The following NKAIN2 variants were observed in gnomAD, a reference collection of about 807,000 sequenced individuals.
NKAIN2 encodes the protein sodium/potassium-transporting ATPase subunit beta-1-interacting protein 2.
Under a neutral mutation model 32.6 loss-of-function variants are expected in NKAIN2, and 14 were observed. The observed-to-expected ratio is 0.43, with a 90% confidence interval of 0.28 to 0.67. The LOEUF is 0.67. Among genes scored for constraint, NKAIN2 ranks in the 30% least tolerant of loss-of-function variants. The pLI, the probability that NKAIN2 is intolerant of heterozygous loss-of-function variation, is 0.17. For missense variants in NKAIN2, 198 were observed against 258.3 expected (o/e 0.77, Z 1.60); for synonymous variants, 80 against 87.2 (o/e 0.92, Z 0.46).
At chr6:124,454,122 T>C (rs1583277540) in intron 3 of NKAIN2, among the ~76,000 whole-genome samples, 2 of 146,384 alleles carry the variant, frequency 1.4e-5, no homozygotes, top group African/African-American at 5.0e-5. Flanking sequence ...GGGGGGTTGC[T>C]GGTTTATTTG....
chr6:124,397,970 G>A (rs1417472141), intron 3 of NKAIN2, among the ~76,000 whole-genome samples: 3 of 151,808 alleles, frequency 2.0e-5, no homozygotes, highest in South Asian at 2.1e-4. Context: ...GAAGATACCC[G>A]GGGCCGGGCG....
At chr6:123,870,531 G>C (rs914516932) in intron 1 of NKAIN2, among the ~76,000 whole-genome samples, 1 of 152,158 alleles carries the variant, frequency 6.6e-6, no homozygotes, top group African/African-American at 2.4e-5. Context: ...GTTTTCTGCT[G>C]TGTAATATGT....
At chr6:124,031,779 T>G (rs2114787919) in intron 1 of NKAIN2, among the ~76,000 whole-genome samples, 1 of 152,268 alleles carries the variant, frequency 6.6e-6, no homozygotes. Flanking sequence ...GAGAGACAGC[T>G]TTTGATAATT....
At chr6:124,662,729 G>A (rs1382204138) in intron 4 of NKAIN2, among the ~76,000 whole-genome samples, 5 of 152,202 alleles carry the variant, frequency 3.3e-5, no homozygotes, top group Non-Finnish European at 7.3e-5. Context: ...GTTGTGTTGG[G>A]AATGGCACAT....
chr6:124,741,312 A>T, intron 4 of NKAIN2, among the ~76,000 whole-genome samples: 1 of 151,864 alleles, frequency 6.6e-6, no homozygotes, highest in East Asian at 1.9e-4. Context: ...TTTAGATATT[A>T]CTAAGAATTA....
At chr6:124,350,082 G>C (rs1477645777) in intron 2 of NKAIN2, among the ~76,000 whole-genome samples, 1 of 152,114 alleles carries the variant, frequency 6.6e-6, no homozygotes, top group African/African-American at 2.4e-5. Flanking sequence ...TAGTTTTATA[G>C]CAGAAAACTA....
intron 1 of NKAIN2, among the ~76,000 whole-genome samples, chr6:123,931,363 T>C (rs114934922): frequency 2.0e-5 from 3 of 152,184 alleles, no homozygotes; most frequent in African/African-American, 7.2e-5. Context: ...CATTTCTTAC[T>C]CTCCACTGAA....
chr6:124,074,631 A>C (rs1199354956), intron 1 of NKAIN2, among the ~76,000 whole-genome samples: 2 of 152,104 alleles, frequency 1.3e-5, no homozygotes, highest in Non-Finnish European at 2.9e-5. Flanking sequence ...AACCATACTG[A>C]CACACTTTCA....
intron 1 of NKAIN2, among the ~76,000 whole-genome samples, chr6:124,195,414 T>C (rs1790267700): frequency 6.6e-6 from 1 of 152,144 alleles, no homozygotes; most frequent in Non-Finnish European, 1.5e-5. Context: ...TAGCTAACTA[T>C]CCCCTGCTGT....
chr6:124,361,961 T>G (rs1159034443), intron 3 of NKAIN2, among the ~76,000 whole-genome samples: 1 of 152,124 alleles, frequency 6.6e-6, no homozygotes, highest in African/African-American at 2.4e-5. Context: ...TATCAAAATT[T>G]GCTTTTCTGA....
In NKAIN2 at chr6:123,804,096, C is replaced by T; in HGVS notation, c.-105C>T. ...CAGCAGCAGCCCGGAGCCCCCGAGC[C>T]CTCGGCAGGTTTGCGTGTCCTTCCC... On this transcript the variant is annotated 5_prime_UTR_variant, in exon 1 of 7. Transcript: ENST00000368417. 4.9e-6 allele frequency: 5 copies of T among 1,022,640 alleles called. No individual in the cohort carries two copies. The highest frequency in any genetic ancestry group is 6.2e-6 in the Non-Finnish European group (4 of 642,086). The allele number at this position is 1,022,640 out of a possible 1,614,324, so 63.3% of individuals were successfully genotyped here.
At chr6:124,545,101 A>C (rs933857789) in intron 3 of NKAIN2, among the ~76,000 whole-genome samples, 12 of 152,296 alleles carry the variant, frequency 7.9e-5, no homozygotes, top group Admixed American at 5.2e-4. Flanking sequence ...AAAGTATTCA[A>C]ATTTTACCTC....
intron 1 of NKAIN2, among the ~76,000 whole-genome samples, chr6:123,984,828 G>A (rs2114673704): frequency 6.6e-6 from 1 of 152,138 alleles, no homozygotes; most frequent in Middle Eastern, 3.4e-3. Flanking sequence ...GACATGTATT[G>A]ATTAAGGTAA....
In NKAIN2 at chr6:123,812,779, C is replaced by G. The variant is rs116318809; in HGVS notation, c.54+8525C>G. ...CTCATACTGACTTTTGTTTTTTAAT[C>G]AATGCATTACACTCTAAAACAGTAA... On this transcript the variant is annotated intron_variant, in intron 1 of 6. Coordinates refer to ENST00000368417, the MANE Select transcript of NKAIN2 (RefSeq NM_001040214.3). Among the ~76,000 whole-genome samples, 795 of 152,262 alleles carry G rather than the reference C, an allele frequency of 5.2e-3. 5 individuals are homozygous for G. Among genetic ancestry groups the G allele is most frequent in the East Asian group, 0.016 (85 of 5,186 alleles).
At chr6:124,004,094 G>A (rs1582913725) in intron 1 of NKAIN2, among the ~76,000 whole-genome samples, 3 of 152,190 alleles carry the variant, frequency 2.0e-5, no homozygotes, top group Admixed American at 2.0e-4. Context: ...TATTTTCTTA[G>A]TCACTAACTT....
chr6:124,000,720 G>C (rs930274403), intron 1 of NKAIN2, among the ~76,000 whole-genome samples: 1 of 151,996 alleles, frequency 6.6e-6, no homozygotes, highest in East Asian at 1.9e-4. Flanking sequence ...AGGTAATGGG[G>C]TACATCTTTT....
chr6:124,745,606 T>G (rs1583781253), intron 4 of NKAIN2, among the ~76,000 whole-genome samples: 2 of 152,052 alleles, frequency 1.3e-5, no homozygotes, highest in South Asian at 4.1e-4. Context: ...ATATTATTTT[T>G]AAAACCATTC....
At chr6:124,658,454 T>A in intron 4 of NKAIN2, 68 bp downstream of exon 4, 1 of 1,610,562 alleles carries the variant, frequency 6.2e-7, no homozygotes. Context: ...GCGAACTCAG[T>A]GCACACAAAT....
intron 1 of NKAIN2, among the ~76,000 whole-genome samples, chr6:124,176,446 T>C (rs1193738434): frequency 5.3e-5 from 8 of 152,218 alleles, no homozygotes; most frequent in Non-Finnish European, 1.2e-4. Flanking sequence ...GAGATTGTTT[T>C]ATTTTGCCTT....
Sources: gnomAD v4.1 joint callset for allele counts (sites outside exome capture counted in the v4.1 genomes callset) on GRCh38, gnomAD v4.1.1 for gene constraint, MANE v1.5 for transcripts, NCBI Gene and HGNC (gene_info 2026-07-23, HGNC 2026-07-21) for gene names.